The following RREB1 variants were observed in gnomAD, a reference collection of about 807,000 sequenced individuals.
The protein encoded by RREB1 is ras-responsive element-binding protein 1.
Under a neutral mutation model 117.8 loss-of-function variants are expected in RREB1, and 27 were observed. The observed-to-expected ratio is 0.23, with a 90% CI of 0.17 to 0.32. The LOEUF is 0.32. RREB1 is among the 10% of genes least tolerant of loss of function. The probability of loss-of-function intolerance (pLI) is 1.00; values close to 1 mark genes in which losing one functional copy is unlikely to be tolerated. For synonymous variants in RREB1, 1,298 were observed against 1,026.7 expected (o/e 1.26, Z -5.05); for missense variants, 2,577 against 2,378.2 (o/e 1.08, Z -1.74).
chr6:7,184,907 C>G (rs562541875), intron 4 of RREB1: 16 of 151,612 alleles, frequency 1.1e-4, no homozygotes, highest in Non-Finnish European at 2.4e-4. Context: ...AATTGCCTAT[C>G]TACTAATTTG....
intron 6 of RREB1, among the ~76,000 whole-genome samples, chr6:7,200,363 G>C (rs1765902431): frequency 6.6e-6 from 1 of 150,962 alleles, no homozygotes; most frequent in Non-Finnish European, 1.5e-5. Context: ...TCTGCCTCCT[G>C]GGTTCAAGCA....
intron 1 of RREB1, among the ~76,000 whole-genome samples, chr6:7,154,048 C>T (rs986219695): frequency 3.3e-5 from 5 of 152,186 alleles, no homozygotes; most frequent in African/African-American, 1.2e-4. Flanking sequence ...ACCTGCCTGA[C>T]CACAAAGGTA....
Position 7,246,806 on chromosome 6 carries a change from C to G in RREB1, c.4356C>G (p.Thr1452=). Residue 1452 remains threonine, a synonymous_variant, in exon 12 of 13, where the codon ACC becomes ACG. Transcript: ENST00000379938. ...ASQEQKLACD[T]CGKSFKFLGT... is the part of the protein sequence containing the mutation. ...AGGAGCAGAAGCTCGCCTGCGACAC[C>G]TGTGGGAAGAGCTTCAAGTTCCTGG... The G allele has an allele frequency of 6.4e-7, 1 of 1,553,740 alleles. No homozygotes were observed. Among genetic ancestry groups the G allele is most frequent in the Non-Finnish European group, 8.7e-7 (1 of 1,149,158 alleles).
chr6:7,186,985 G>A (rs1324375983), intron 4 of RREB1, among the ~76,000 whole-genome samples: 1 of 152,194 alleles, frequency 6.6e-6, no homozygotes. Flanking sequence ...TGAGAACCTT[G>A]TTATCTCTCA....
chr6:7,186,610 C>A (rs779703397), intron 4 of RREB1, among the ~76,000 whole-genome samples: 1 of 152,194 alleles, frequency 6.6e-6, no homozygotes, highest in Non-Finnish European at 1.5e-5. Context: ...ATGATGCACA[C>A]AGCCTAGAAC....
At chr6:7,195,357 A>C (rs946436272) in intron 6 of RREB1, among the ~76,000 whole-genome samples, 1 of 152,180 alleles carries the variant, frequency 6.6e-6, no homozygotes, top group Non-Finnish European at 1.5e-5. Context: ...TTTTGAAAAA[A>C]ATTATAAAAA....
At position 7,247,227 on chromosome 6, in the gene RREB1, C is replaced by G; in HGVS notation, c.4771+6C>G. On this transcript the variant is annotated splice_donor_region_variant and intron_variant, in intron 12 of 12. Coordinates refer to ENST00000379938, the MANE Select transcript of RREB1 (RefSeq NM_001003699.4). ...GCACATGCGCTCCCACACAGGTAAC[C>G]AGGGCAGGCCAGGTCCCCGGCCCAA... 1 of 1,607,142 alleles carries G rather than the reference C, an allele frequency of 6.2e-7. No individual in the cohort carries two copies.
chr6:7,158,990 A>G (rs1048099280), intron 1 of RREB1, among the ~76,000 whole-genome samples: 16 of 152,158 alleles, frequency 1.1e-4, no homozygotes, highest in Admixed American at 6.5e-4. Flanking sequence ...CCTTTAAATC[A>G]CAGTCACTTT....
At chr6:7,180,879 T>A (rs1433831771) in intron 2 of RREB1, among the ~76,000 whole-genome samples, 1 of 152,130 alleles carries the variant, frequency 6.6e-6, no homozygotes, top group Non-Finnish European at 1.5e-5. Flanking sequence ...AAAGTAAAAT[T>A]TTACTGCAGA....
At position 7,162,373 on chromosome 6, in the gene RREB1, C is replaced by T. The variant is rs151330991; in HGVS notation, c.-284-14282C>T. Among the ~76,000 whole-genome samples the T allele has an allele frequency of 1.3e-3, 193 of 152,238 alleles. 2 individuals are homozygous for T. Among genetic ancestry groups the T allele is most frequent in the African/African-American group, 4.2e-3 (176 of 41,544 alleles). The stretch of plus-strand genomic sequence containing the variant: ...CAGCTTTCTGCGTGTGGCTGGGAGG[C>T]GAATCTCTTCTTCAAGCTCAGGTTT... On this transcript the variant is annotated intron_variant, in intron 1 of 12. Transcript: ENST00000379938.
At chr6:7,140,334 C>A (rs1762512262) in intron 1 of RREB1, among the ~76,000 whole-genome samples, 1 of 152,134 alleles carries the variant, frequency 6.6e-6, no homozygotes, top group African/African-American at 2.4e-5. Flanking sequence ...CAACACTTAT[C>A]GTGGTGATTC....
chr6:7,124,450 A>G (rs1324801771), intron 1 of RREB1, among the ~76,000 whole-genome samples: 3 of 152,184 alleles, frequency 2.0e-5, no homozygotes, highest in Non-Finnish European at 2.9e-5. Flanking sequence ...CAGAAGTCTC[A>G]TGGTAGCTAG....
At chr6:7,238,263 A>G (rs1768468740) in intron 10 of RREB1, among the ~76,000 whole-genome samples, 1 of 152,186 alleles carries the variant, frequency 6.6e-6, no homozygotes, top group Non-Finnish European at 1.5e-5. Flanking sequence ...TTTTTGAGAC[A>G]GAGTCTGTCT....
At chr6:7,133,831 T>TA (rs1207549420) in intron 1 of RREB1, among the ~76,000 whole-genome samples, 1 of 152,206 alleles carries the variant, frequency 6.6e-6, no homozygotes, top group African/African-American at 2.4e-5. Context: ...TCATTGTTGA[T>TA]ACTTTACTAT....
intron 8 of RREB1, among the ~76,000 whole-genome samples, chr6:7,222,963 A>G (rs1317222045): frequency 6.6e-6 from 1 of 152,122 alleles, no homozygotes; most frequent in East Asian, 1.9e-4. Flanking sequence ...AAGTCTCAAA[A>G]GTGGAGAGTA....
chr6:7,121,312 T>G (rs1761670306), intron 1 of RREB1, among the ~76,000 whole-genome samples: 1 of 152,130 alleles, frequency 6.6e-6, no homozygotes, highest in African/African-American at 2.4e-5. Flanking sequence ...CTTTATCTGT[T>G]TGACTTGAGC....
chr6:7,209,572 C>CTA (rs1766465806), intron 6 of RREB1, among the ~76,000 whole-genome samples: 1 of 129,336 alleles, frequency 7.7e-6, no homozygotes, highest in Non-Finnish European at 1.6e-5. Flanking sequence ...TATTTCTTTC[C>CTA]TTTTTTTTTT....
intron 1 of RREB1, among the ~76,000 whole-genome samples, chr6:7,135,798 G>A (rs2083406707): frequency 6.6e-6 from 1 of 152,152 alleles, no homozygotes; most frequent in Non-Finnish European, 1.5e-5. Flanking sequence ...TGCTCTAGGG[G>A]ACTTAGCAAA....
chr6:7,164,255 A>G (rs1450153857), intron 1 of RREB1, among the ~76,000 whole-genome samples: 1 of 152,088 alleles, frequency 6.6e-6, no homozygotes, highest in African/African-American at 2.4e-5. Flanking sequence ...CCTTTTCGCC[A>G]TGGCCTTCCC....
Sources: gnomAD v4.1 joint callset for allele counts (sites outside exome capture counted in the v4.1 genomes callset) on GRCh38, gnomAD v4.1.1 for gene constraint, MANE v1.5 for transcripts, NCBI Gene and HGNC (gene_info 2026-07-23, HGNC 2026-07-21) for gene names.